Variants in PALS2 observed in about 807,000 individuals in gnomAD.
PALS2 encodes the protein protein associated with LIN7 2, MAGUK p55 family member.
In PALS2, 27 loss-of-function variants were observed where a neutral mutation model predicts 61.6. The observed-to-expected ratio is 0.44, with a 90% confidence interval of 0.32 to 0.60. The LOEUF (loss-of-function observed/expected upper bound fraction) is 0.60, where lower values mean the gene tolerates loss of function less well. Ranked by LOEUF, PALS2 falls within the 20% of genes least tolerant of loss-of-function variation. PALS2 has a pLI of 0.05. For missense variants in PALS2, 554 were observed against 639.4 expected, an observed-to-expected ratio of 0.87 and a Z score of 1.44; for synonymous variants, 236 against 218.6, an observed-to-expected ratio of 1.08 and a Z score of -0.70.
Position 24,649,317 on chromosome 7 carries a change from A to C in PALS2, c.271-295A>C, listed in dbSNP as rs1443579384. Among the ~76,000 whole-genome samples, 3 of 152,194 alleles carry C rather than the reference A, an allele frequency of 2.0e-5. No individual in the cohort carries two copies. The East Asian group carries it at 5.8e-4, about 29-fold the overall frequency. ...AAACCCAGTACCTTCATTGCACCAG[A>C]CTGGAAACCTAGGTTCAGTTTCCAG... On this transcript the variant is annotated intron_variant, in intron 3 of 11. Coordinates refer to ENST00000222644, the MANE Select transcript of PALS2 (RefSeq NM_001303037.2).
In PALS2 at chr7:24,687,840, A is replaced by G; in HGVS notation, c.*226A>G. The stretch of plus-strand genomic sequence containing the variant: ...TAATTTTTCTAACTTTGTATGGATA[A>G]TCTTTCTATTCATATCACATAAAGA... On this transcript the variant is annotated 3_prime_UTR_variant, in exon 12 of 12. Transcript: ENST00000222644. The surrounding 1 kb of genome is among the most constrained non-coding windows in gnomAD (Gnocchi z 4.5). 1 of 366,712 alleles carries G rather than the reference A, an allele frequency of 2.7e-6. No individual in the cohort carries two copies. The highest frequency in any genetic ancestry group is 4.8e-6 in the Non-Finnish European group (1 of 210,032). 22.7% of individuals were successfully genotyped at this position (366,712 alleles called of 1,614,324 possible). A position where few individuals can be genotyped will look rare whatever the true frequency, so the allele number is the denominator to read the frequency against.
chr7:24,650,463 A>G (rs749131692), intron 4 of PALS2, 22 bp from the exon 5 acceptor site: 1 of 1,523,048 alleles, frequency 6.6e-7, no homozygotes. Context: ...TTAATGAGAA[A>G]TCTGTTTCTT....
In PALS2 at chr7:24,625,886, A is replaced by T. The variant is rs1784720867; in HGVS notation, c.117+2102A>T. The stretch of plus-strand genomic sequence containing the variant: ...ATAGGTTAAAAAAAATCCCAGGAAT[A>T]GGGGAGGAATTCCGCTTCCAAGAAA... On this transcript the variant is annotated intron_variant, in intron 2 of 11. Coordinates refer to ENST00000222644, the MANE Select transcript of PALS2 (RefSeq NM_001303037.2). Among the ~76,000 whole-genome samples, 3 of 152,282 alleles carry T rather than the reference A, an allele frequency of 2.0e-5. No homozygotes were observed. In the East Asian group the frequency reaches 5.8e-4, roughly 29 times the overall value.
At chr7:24,680,337 C>A in intron 10 of PALS2, 55 bp from the exon 11 acceptor site, 1 of 1,541,488 alleles carries the variant, frequency 6.5e-7, no homozygotes, top group South Asian at 1.1e-5. Flanking sequence ...TAAAGGGTAG[C>A]AGAATTCTAG....
Position 24,573,810 on chromosome 7 carries a change from G to A in PALS2, c.-3+217G>A, listed in dbSNP as rs1265646622. 6.7e-6 allele frequency among the ~76,000 whole-genome samples: 1 copy of A among 148,866 alleles called. No individual in the cohort carries two copies. Among genetic ancestry groups the A allele is most frequent in the Non-Finnish European group, 1.5e-5 (1 of 66,816 alleles). ...GAGGCTGCTGGCCGCCCCCAGCCCG[G>A]CCCGCGCGGAAGGGGCGCTCGGCCG... On this transcript the variant is annotated intron_variant, in intron 1 of 11. Transcript: ENST00000222644. The surrounding 1 kb of genome is among the most constrained non-coding windows in gnomAD (Gnocchi z 5.3).
rs1366715123 is a variant in PALS2, at chr7:24,573,980, GGC to G, written c.-3+391_-3+392del. The G allele has an allele frequency of 6.6e-6, 1 of 152,298 alleles. No homozygotes were observed. The highest frequency in any genetic ancestry group is 2.4e-5 in the African/African-American group (1 of 41,464). 9.4% of individuals were successfully genotyped at this position (152,298 alleles called of 1,614,324 possible). On this transcript the variant is annotated intron_variant, in intron 1 of 11. Coordinates refer to ENST00000222644, the MANE Select transcript of PALS2 (RefSeq NM_001303037.2). The surrounding 1 kb of genome is among the most constrained non-coding windows in gnomAD (Gnocchi z 5.3). ...GCCGCAGACGCGCGGGGCCCCTTCG[GGC>G]GCGGGGCTTGGGTGCCTACACCTCT...
chr7:24,626,243 A>G (rs1244448867), intron 2 of PALS2, among the ~76,000 whole-genome samples: 4 of 152,186 alleles, frequency 2.6e-5, no homozygotes, highest in Non-Finnish European at 5.9e-5. Context: ...ACACAACAGA[A>G]GAGGGAATAA....
chr7:24,589,185 A>G (rs115016413), intron 1 of PALS2: 1 of 152,052 alleles, frequency 6.6e-6, no homozygotes, highest in Non-Finnish European at 1.5e-5. Flanking sequence ...TTATATCTTC[A>G]TCTTCCATTT....
Position 24,690,807 on chromosome 7 carries a change from A to C in PALS2, c.*3193A>C, listed in dbSNP as rs994892412. The C allele has an allele frequency of 2.6e-5, 4 of 152,220 alleles. No individual in the cohort carries two copies. The highest frequency in any genetic ancestry group is 9.6e-5 in the African/African-American group (4 of 41,460). 9.4% of individuals were successfully genotyped at this position (152,220 alleles called of 1,614,324 possible). On this transcript the variant is annotated 3_prime_UTR_variant, in exon 12 of 12. Coordinates refer to ENST00000222644, the MANE Select transcript of PALS2 (RefSeq NM_001303037.2). ...CAATTGCTGAACATAGCTTTCTGAA[A>C]TAGAAATTATAAGAGAAACCCAGTA...
chr7:24,682,917 G>A (rs1788008261), intron 11 of PALS2, among the ~76,000 whole-genome samples: 1 of 152,128 alleles, frequency 6.6e-6, no homozygotes, highest in South Asian at 2.1e-4. Context: ...GGTTGATCTA[G>A]AGGTTGGTCA....
At chr7:24,654,557 T>G (rs1043809273) in intron 5 of PALS2, among the ~76,000 whole-genome samples, 3 of 152,044 alleles carry the variant, frequency 2.0e-5, no homozygotes, top group Admixed American at 6.5e-5. Context: ...AGGAATAAAT[T>G]AACCAAAAAA....
chr7:24,647,566 G>C (rs1785907624), intron 3 of PALS2, among the ~76,000 whole-genome samples: 1 of 152,152 alleles, frequency 6.6e-6, no homozygotes, highest in Non-Finnish European at 1.5e-5. Flanking sequence ...ATTTTCATTA[G>C]AGGTTGCAAA....
At chr7:24,607,523 A>G (rs539937935) in intron 1 of PALS2, among the ~76,000 whole-genome samples, 35 of 151,440 alleles carry the variant, frequency 2.3e-4, no homozygotes, top group African/African-American at 7.8e-4. Flanking sequence ...ATGTGTATAT[A>G]TGTGTGTGTA....
intron 2 of PALS2, among the ~76,000 whole-genome samples, chr7:24,639,814 ATTTTTTTTTTT>A (rs61073575): frequency 1.4e-4 from 13 of 96,250 alleles, no homozygotes; most frequent in African/African-American, 2.7e-4. Context: ...TTCTAGTCTA[ATTTTTTTTTTT>A]TTTTTTTTTT....
chr7:24,685,899 T>G (rs1788175852), intron 11 of PALS2, among the ~76,000 whole-genome samples: 2 of 152,200 alleles, frequency 1.3e-5, no homozygotes, highest in Non-Finnish European at 2.9e-5. Flanking sequence ...TTTACATTCA[T>G]GCCATTGTTA....
intron 8 of PALS2, 67 bp from the exon 9 acceptor site, chr7:24,668,432 G>C: frequency 7.0e-7 from 1 of 1,426,990 alleles, no homozygotes; most frequent in South Asian, 1.3e-5. Context: ...TTACTAGACA[G>C]AATTGCAGAG....
rs759948488 is a variant in PALS2 at position 24,626,124 on chromosome 7, G to GA, written c.117+2347dup. ...AATGTACTTTTAGTAGAAGAAAAGGGAAAAAAACATGTAAAATATTTTTAG... is the reference window on the plus strand; with the variant it reads ...AATGTACTTTTAGTAGAAGAAAAGGGAAAAAAAACATGTAAAATATTTTTAG... On this transcript the variant is annotated intron_variant, in intron 2 of 11. Transcript: ENST00000222644. Among the ~76,000 whole-genome samples the GA allele has an allele frequency of 1.1e-4, 16 of 151,848 alleles. No individual in the cohort carries two copies. In the East Asian group the frequency reaches 2.3e-3, roughly 22 times the overall value.
intron 3 of PALS2, among the ~76,000 whole-genome samples, chr7:24,649,160 T>C (rs935356075): frequency 1.3e-5 from 2 of 152,160 alleles, no homozygotes; most frequent in Non-Finnish European, 2.9e-5. Context: ...GTTTTCTACA[T>C]ATAAAAAGTA....
intron 2 of PALS2, among the ~76,000 whole-genome samples, chr7:24,634,842 G>A (rs74978233): frequency 0.016 from 2,481 of 152,236 alleles, 80 homozygotes; most frequent in African/African-American, 0.057. Flanking sequence ...TTTCCCCATT[G>A]AGTGGTTTTG....
Sources: allele counts gnomAD v4.1 joint callset (sites outside exome capture counted in the v4.1 genomes callset), GRCh38; gene constraint gnomAD v4.1.1; non-coding constraint Gnocchi (gnomAD v3.1); transcripts MANE v1.5; gene names NCBI Gene and HGNC (gene_info 2026-07-23, HGNC 2026-07-21).